The following DPYSL4 variants were observed in gnomAD, a reference collection of about 807,000 sequenced individuals.
DPYSL4 encodes the protein dihydropyrimidinase-related protein 4.
A neutral mutation model predicts 63.4 loss-of-function variants in DPYSL4; 43 were observed. The ratio of observed to expected loss-of-function variants is 0.68; its 90% CI spans 0.53 to 0.88. DPYSL4 has a LOEUF of 0.88. Among genes scored for constraint, DPYSL4 ranks in the 40% least tolerant of loss-of-function variants. The probability of loss-of-function intolerance (pLI) is 0.00; values close to 1 mark genes in which losing one functional copy is unlikely to be tolerated. For missense variants in DPYSL4, 733 were observed against 819.5 expected, an observed-to-expected ratio of 0.89 and a Z score of 1.29; for synonymous variants, 353 against 331.7, an observed-to-expected ratio of 1.06 and a Z score of -0.70.
intron 1 of DPYSL4, among the ~76,000 whole-genome samples, chr10:132,189,544 T>G (rs1001686112): frequency 5.3e-5 from 8 of 152,164 alleles, no homozygotes; most frequent in African/African-American, 1.9e-4. Flanking sequence ...CTCACCAGCC[T>G]GACGCTCTGT....
Position 132,186,953 on chromosome 10 carries a change from C to T in DPYSL4, c.-111C>T. On this transcript the variant is annotated 5_prime_UTR_variant, in exon 1 of 14. Transcript: ENST00000338492. ...CCGTGCGGCCCCGCGCGCTCGCAGT[C>T]TGTCTCCCGCCGTCCCCACGCACGC... is the stretch of plus-strand genomic sequence containing the variant. The T allele has an allele frequency of 6.4e-6, 3 of 467,444 alleles. 1 individual carries two copies. Among genetic ancestry groups the T allele is most frequent in the South Asian group, 6.8e-5 (2 of 29,404 alleles). The allele number at this position is 467,444 out of a possible 1,614,324, so 29.0% of individuals were successfully genotyped here. A position where few individuals can be genotyped will look rare whatever the true frequency, so the allele number is the denominator to read the frequency against.
intron 7 of DPYSL4, 42 bp from the exon 8 acceptor site, chr10:132,198,809 C>CA: frequency 6.2e-7 from 1 of 1,608,432 alleles, no homozygotes; most frequent in African/African-American, 1.3e-5. Flanking sequence ...TCTGGAGCCC[C>CA]AGGGCCCTCG....
rs758420742 is a variant in DPYSL4 at position 132,203,766 on chromosome 10, C to T, written c.1466C>T (p.Ala489Val). The T allele has an allele frequency of 1.9e-5, 30 of 1,599,636 alleles. 1 individual carries two copies. The highest frequency in any genetic ancestry group is 3.4e-4 in the Middle Eastern group (2 of 5,934). The stretch of plus-strand genomic sequence containing the variant: ...CTGCCCCCACCCCCCCGGCAGCTGG[C>T]GGAGATCCACGGTGTGCCCCGTGGA... Reference protein sequence around the residue: ...YKRIKARNRLAEIHGVPRGLY... With the variant: ...YKRIKARNRLVEIHGVPRGLY... Residue 489 changes from alanine (A) to valine (V), a missense_variant, in exon 13 of 14, where the codon GCG (alanine) becomes GTG (valine). Physicochemically the swap from Ala to Val is moderately conservative, Grantham distance 64. Coordinates refer to ENST00000338492, the MANE Select transcript of DPYSL4 (RefSeq NM_006426.3).
chr10:132,192,187 C>A, intron 2 of DPYSL4: 1 of 415,654 alleles, frequency 2.4e-6, no homozygotes, highest in Non-Finnish European at 3.2e-6. Flanking sequence ...CTGGTGGCCA[C>A]TGTCAGAGCC....
At chr10:132,187,484 CG>C (rs2061818516) in intron 1 of DPYSL4, among the ~76,000 whole-genome samples, 1 of 152,044 alleles carries the variant, frequency 6.6e-6, no homozygotes, top group African/African-American at 2.4e-5. Flanking sequence ...CTTTCTCCCA[CG>C]GCGGTCGGGT....
At chr10:132,196,146 AG>A (rs2061940723) in intron 4 of DPYSL4, among the ~76,000 whole-genome samples, 1 of 152,184 alleles carries the variant, frequency 6.6e-6, no homozygotes, top group African/African-American at 2.4e-5. Flanking sequence ...CCCAGCGAGG[AG>A]GAGATGCCAT....
chr10:132,192,358 C>T (rs751708584), intron 2 of DPYSL4: 81 of 1,048,280 alleles, frequency 7.7e-5, no homozygotes, highest in Non-Finnish European at 8.8e-5. Context: ...CACCTGCTTC[C>T]GTTTGTCAAG....
chr10:132,205,178 A>G lies in DPYSL4; in HGVS notation c.*248A>G, dbSNP rs1266605439. The G allele has an allele frequency of 2.9e-6, 1 of 349,474 alleles. No individual in the cohort carries two copies. Among genetic ancestry groups the G allele is most frequent in the Non-Finnish European group, 5.2e-6 (1 of 193,778 alleles). The allele number at this position is 349,474 out of a possible 1,614,324, so 21.6% of individuals were successfully genotyped here. On this transcript the variant is annotated 3_prime_UTR_variant, in exon 14 of 14. Coordinates refer to ENST00000338492, the MANE Select transcript of DPYSL4 (RefSeq NM_006426.3). ...GGTGAGGTGGAGCCACATGGCAGGGACAATGCCGGCAGCCTGAGCCCAGGC... is the reference window on the plus strand; with the variant it reads ...GGTGAGGTGGAGCCACATGGCAGGGGCAATGCCGGCAGCCTGAGCCCAGGC...
Position 132,186,994 on chromosome 10 carries a change from T to TGCG in DPYSL4, c.-70_-69insGCG. 1 of 217,368 alleles carries TGCG rather than the reference T, an allele frequency of 4.6e-6. No individual in the cohort carries two copies. The highest frequency in any genetic ancestry group is 6.6e-5 in the East Asian group (1 of 15,238). 13.5% of individuals were successfully genotyped at this position (217,368 alleles called of 1,614,324 possible). ...CCACGCACGCGTCCCGGCTCACGCG[T>TGCG]CCCCCCGCCCGCCCGCCCGCCCGCC... On this transcript the variant is annotated 5_prime_UTR_variant, in exon 1 of 14. Transcript: ENST00000338492.
At chr10:132,196,964 A>T (rs781066235) in intron 5 of DPYSL4, 42 bp downstream of exon 5, 1 of 1,613,428 alleles carries the variant, frequency 6.2e-7, no homozygotes, top group Non-Finnish European at 8.5e-7. Context: ...GGTATATCCC[A>T]GGCCGCTGCT....
intron 4 of DPYSL4, among the ~76,000 whole-genome samples, chr10:132,195,338 A>C (rs73399776): frequency 0.062 from 9,471 of 152,292 alleles, 620 homozygotes; most frequent in African/African-American, 0.15. Flanking sequence ...ATCCTTTCAG[A>C]GGGAGACCCT....
At chr10:132,191,965 C>A (rs1215980590) in intron 2 of DPYSL4, among the ~76,000 whole-genome samples, 5 of 136,874 alleles carry the variant, frequency 3.7e-5, no homozygotes, top group African/African-American at 1.3e-4. Flanking sequence ...ATGTTCCCAG[C>A]TCGTGTGTAC....
chr10:132,200,557 C>T lies in DPYSL4; in HGVS notation c.968+45C>T, dbSNP rs201163250. The T allele has an allele frequency of 1.2e-5, 19 of 1,604,990 alleles. No individual in the cohort carries two copies. In the East Asian group the frequency reaches 4.0e-4, roughly 34 times the overall value. Reference sequence around the variant, plus strand: ...GGCCCCAGGTTGGCCGCCCGCTGCACACCCTGCCAAGGCTGTGGCCCCGAC... The same window carrying T: ...GGCCCCAGGTTGGCCGCCCGCTGCATACCCTGCCAAGGCTGTGGCCCCGAC... On this transcript the variant is annotated intron_variant, in intron 9 of 13. Coordinates refer to ENST00000338492, the MANE Select transcript of DPYSL4 (RefSeq NM_006426.3).
chr10:132,192,301 G>A, intron 2 of DPYSL4: 2 of 997,130 alleles, frequency 2.0e-6, no homozygotes, highest in South Asian at 9.2e-5. Flanking sequence ...ATGGTGCCTG[G>A]CTCATAGCAG....
rs751632748 is a variant in DPYSL4, at chr10:132,203,857, C to T, written c.1557C>T (p.Arg519=). ...AGCCAGGGAGTGGCGCTCCGGCCCGCGCGTCCTGCCCAGGCAAGATCTCCG... is the reference window on the plus strand; with the variant it reads ...AGCCAGGGAGTGGCGCTCCGGCCCGTGCGTCCTGCCCAGGCAAGATCTCCG... ...PAKPGSGAPA[R]ASCPGKISVP... is the part of the protein sequence containing the mutation. Residue 519 remains arginine (R), a synonymous_variant, in exon 13 of 14, where the codon CGC becomes CGT. Coordinates refer to ENST00000338492, the MANE Select transcript of DPYSL4 (RefSeq NM_006426.3). The T allele has an allele frequency of 7.4e-6, 12 of 1,612,922 alleles. No individual in the cohort carries two copies. The highest frequency in any genetic ancestry group is 5.5e-5 in the South Asian group (5 of 91,070).
At chr10:132,194,821 C>T (rs201025808) in intron 3 of DPYSL4, 24 bp from the exon 4 acceptor site, 169 of 1,605,926 alleles carry the variant, frequency 1.1e-4, no homozygotes, top group Non-Finnish European at 1.3e-4. Context: ...GTGGGGGAAG[C>T]TGCTGACCAT....
intron 1 of DPYSL4, among the ~76,000 whole-genome samples, chr10:132,189,827 A>G (rs907441547): frequency 1.3e-5 from 2 of 152,190 alleles, no homozygotes; most frequent in African/African-American, 4.8e-5. Flanking sequence ...ACATCAAACC[A>G]GGATTGAAAC....
chr10:132,205,258 T>C lies in DPYSL4; in HGVS notation c.*328T>C, dbSNP rs756245317. Reference sequence around the variant, plus strand: ...GACAGGGAACCTGCCGGGCTCACAGTGTGGGAGCAGCTGGACACCAGGCTT... The same window carrying C: ...GACAGGGAACCTGCCGGGCTCACAGCGTGGGAGCAGCTGGACACCAGGCTT... On this transcript the variant is annotated 3_prime_UTR_variant, in exon 14 of 14. Transcript: ENST00000338492. 21 of 226,194 alleles carry C rather than the reference T, an allele frequency of 9.3e-5. No individual in the cohort carries two copies. The highest frequency in any genetic ancestry group is 1.7e-4 in the Non-Finnish European group (20 of 115,774). The allele number at this position is 226,194 out of a possible 1,614,324, so 14.0% of individuals were successfully genotyped here.
Position 132,204,973 on chromosome 10 carries a change from G to T in DPYSL4, c.*43G>T. The T allele has an allele frequency of 6.5e-7, 1 of 1,527,276 alleles. No individual in the cohort carries two copies. Among genetic ancestry groups the T allele is most frequent in the Non-Finnish European group, 8.9e-7 (1 of 1,129,228 alleles). The allele number at this position is 1,527,276 out of a possible 1,614,324, so 94.6% of individuals were successfully genotyped here. Reference sequence around the variant, plus strand: ...TGTGAGCCGTGCTGGCCCCACCCGAGGCCGCGGGGGCCCCAGGGCACTCGC... The same window carrying T: ...TGTGAGCCGTGCTGGCCCCACCCGATGCCGCGGGGGCCCCAGGGCACTCGC... On this transcript the variant is annotated 3_prime_UTR_variant, in exon 14 of 14. Coordinates refer to ENST00000338492, the MANE Select transcript of DPYSL4 (RefSeq NM_006426.3).
Sources: allele counts gnomAD v4.1 joint callset (sites outside exome capture counted in the v4.1 genomes callset), GRCh38; gene constraint gnomAD v4.1.1; transcripts MANE v1.5; gene names NCBI Gene and HGNC (gene_info 2026-07-23, HGNC 2026-07-21).